PPP4R3B: variants seen among roughly 807,000 people sequenced by gnomAD.
PPP4R3B encodes protein phosphatase 4 regulatory subunit 3B.
In PPP4R3B, 52 loss-of-function variants were observed where a neutral mutation model predicts 95.4. The ratio of observed to expected loss-of-function variants is 0.54; its 90% confidence interval spans 0.44 to 0.69. PPP4R3B has a LOEUF of 0.69. PPP4R3B is among the 30% of genes least tolerant of loss of function. The pLI is 0.00. For missense variants in PPP4R3B, 1,003 were observed against 1,005.9 expected, an observed-to-expected ratio of 1.00 and a Z score of 0.04; for synonymous variants, 407 against 343.9, an observed-to-expected ratio of 1.18 and a Z score of -2.03.
chr2:55,564,263 T>A lies in PPP4R3B; in HGVS notation c.2260+50A>T, dbSNP rs765202362. On this transcript the variant is annotated intron_variant, in intron 15 of 16. Transcript: ENST00000616407. ...ACCTTCACAAAGCAACAAAATAATT[T>A]CTGCACTAAATAAGAGGGTACACTG... 20 of 1,448,696 alleles carry A rather than the reference T, an allele frequency of 1.4e-5. No individual in the cohort carries two copies. The South Asian group carries it at 1.9e-4, about 14-fold the overall frequency. The allele number at this position is 1,448,696 out of a possible 1,614,324, so 89.7% of individuals were successfully genotyped here.
chr2:55,609,936 G>C (rs551756066), intron 2 of PPP4R3B, among the ~76,000 whole-genome samples: 1 of 152,270 alleles, frequency 6.6e-6, no homozygotes, highest in African/African-American at 2.4e-5. Context: ...GCGTGGGAAA[G>C]AGACTTCAAT....
chr2:55,564,581 G>T, intron 14 of PPP4R3B, 84 bp from the exon 15 acceptor site: 1 of 1,205,728 alleles, frequency 8.3e-7, no homozygotes, highest in Non-Finnish European at 1.1e-6. Context: ...GTATAACCAA[G>T]ATGAACTGAA....
intron 15 of PPP4R3B, among the ~76,000 whole-genome samples, chr2:55,560,896 G>C (rs1686521257): frequency 6.6e-6 from 1 of 151,938 alleles, no homozygotes; most frequent in African/African-American, 2.4e-5. Flanking sequence ...ATTTAAAAGG[G>C]AGCAGAGCAT....
At chr2:55,617,051 G>A (rs1695054528) in intron 1 of PPP4R3B, 93 bp downstream of exon 1, 4 of 1,426,760 alleles carry the variant, frequency 2.8e-6, no homozygotes, top group South Asian at 1.4e-5. Flanking sequence ...CTGTCCCGAA[G>A]GAGTAGCAAC....
chr2:55,589,277 T>C, intron 4 of PPP4R3B, among the ~76,000 whole-genome samples: 1 of 152,228 alleles, frequency 6.6e-6, no homozygotes. Context: ...AGGGTCTACT[T>C]ACTCTTAATT....
rs549612556 is a variant in PPP4R3B, at chr2:55,550,174, AG to A, written c.2455-169del. On this transcript the variant is annotated intron_variant, in intron 16 of 16. Transcript: ENST00000616407. Reference sequence around the variant, plus strand: ...TGCTTGAAATTATGAACGTTTGAGTAGTAATTGGTAGCACTTGCAGTAACCC... The same window carrying A: ...TGCTTGAAATTATGAACGTTTGAGTATAATTGGTAGCACTTGCAGTAACCC... 4.9e-3 allele frequency among the ~76,000 whole-genome samples: 747 copies of A among 152,370 alleles called. 5 individuals carry two copies. The highest frequency in any genetic ancestry group is 0.017 in the African/African-American group (722 of 41,586).
chr2:55,615,522 T>C lies in PPP4R3B; in HGVS notation c.143-16A>G. 1.3e-6 allele frequency: 2 copies of C among 1,512,792 alleles called. No homozygotes were observed. The highest frequency in any genetic ancestry group is 1.8e-6 in the Non-Finnish European group (2 of 1,103,364). 93.7% of individuals were successfully genotyped at this position (1,512,792 alleles called of 1,614,324 possible). ...AGTAGTGATCCTGAAAGATAAAAAA[T>C]AATACATCATAAGTCTCAAATGATA... is the stretch of plus-strand genomic sequence containing the variant. On this transcript the variant is annotated splice_polypyrimidine_tract_variant and intron_variant, in intron 1 of 16. Coordinates refer to ENST00000616407, the MANE Select transcript of PPP4R3B (RefSeq NM_001122964.3).
intron 6 of PPP4R3B, among the ~76,000 whole-genome samples, chr2:55,586,410 T>A (rs745761767): frequency 2.2e-4 from 34 of 152,198 alleles, no homozygotes; most frequent in Non-Finnish European, 3.8e-4. Context: ...GGGGTTTTTT[T>A]ATTCACTTGA....
Position 55,552,048 on chromosome 2 carries a change from C to G in PPP4R3B, c.2455-2042G>C, listed in dbSNP as rs183071718. Among the ~76,000 whole-genome samples, 168 of 152,250 alleles carry G rather than the reference C, an allele frequency of 1.1e-3. 2 individuals are homozygous for G. Among genetic ancestry groups the G allele is most frequent in the Middle Eastern group, 3.4e-3 (1 of 294 alleles). ...ACATTTGTATTCCAAATGGTTAACA[C>G]TTAATTGTTTCTGCCCAAGATTAAT... On this transcript the variant is annotated intron_variant, in intron 16 of 16. Coordinates refer to ENST00000616407, the MANE Select transcript of PPP4R3B (RefSeq NM_001122964.3).
At chr2:55,576,270 C>T (rs1688647273) in intron 11 of PPP4R3B, among the ~76,000 whole-genome samples, 1 of 151,950 alleles carries the variant, frequency 6.6e-6, no homozygotes, top group South Asian at 2.1e-4. Flanking sequence ...ATGGTTTGAA[C>T]CCAGAAGGTG....
intron 16 of PPP4R3B, 84 bp downstream of exon 16, chr2:55,558,691 G>A (rs1360560337): frequency 9.7e-7 from 1 of 1,034,590 alleles, no homozygotes; most frequent in Admixed American, 2.5e-5. Flanking sequence ...AAATTGTTTT[G>A]ATTATCCAAA....
chr2:55,606,111 A>C (rs1693353661), intron 2 of PPP4R3B, among the ~76,000 whole-genome samples: 1 of 152,136 alleles, frequency 6.6e-6, no homozygotes, highest in Non-Finnish European at 1.5e-5. Context: ...TACATTCCCA[A>C]GTCATCTTAG....
chr2:55,555,882 A>AT (rs1685792157), intron 16 of PPP4R3B, among the ~76,000 whole-genome samples: 1 of 152,220 alleles, frequency 6.6e-6, no homozygotes, highest in Non-Finnish European at 1.5e-5. Context: ...TGACGTGTTT[A>AT]TTTTAGTATC....
intron 2 of PPP4R3B, among the ~76,000 whole-genome samples, chr2:55,610,869 G>T (rs372193395): frequency 1.4e-4 from 19 of 140,490 alleles, no homozygotes; most frequent in South Asian, 2.2e-4. Context: ...TATGACTCTG[G>T]TTTTTTTTTT....
rs567741803 is a variant in PPP4R3B at position 55,603,511 on chromosome 2, A to T, written c.297+467T>A. Among the ~76,000 whole-genome samples the T allele has an allele frequency of 2.0e-5, 3 of 152,250 alleles. No homozygotes were observed. The South Asian group carries it at 6.2e-4, about 31-fold the overall frequency. The stretch of plus-strand genomic sequence containing the variant: ...AAAACAAAAGGTTTCTTTTAAAAAA[A>T]TTCTAGTTACTTAAGAGTTACCACA... On this transcript the variant is annotated intron_variant, in intron 3 of 16. Transcript: ENST00000616407.
intron 2 of PPP4R3B, among the ~76,000 whole-genome samples, chr2:55,608,154 G>A (rs867527255): frequency 1.8e-4 from 28 of 152,070 alleles, no homozygotes; most frequent in African/African-American, 5.8e-4. Flanking sequence ...ACAGGCGTGT[G>A]CCACCACACC....
Position 55,617,282 on chromosome 2 carries a change from A to C in PPP4R3B, c.4T>G (p.Ser2Ala), listed in dbSNP as rs1283060735. ...ACCTTCACTCGCCGCCGCGTATCCG[A>C]CATGGTGGCTGCTGTCTCCACCGCT... is the stretch of plus-strand genomic sequence containing the variant. MSDTRRRVKVYT... is the reference protein window; with the variant it reads MADTRRRVKVYT... The change falls in exon 1 of 17, where the codon TCG (serine) becomes GCG (alanine). Residue 2 changes from serine (S) to alanine (A), a missense_variant. Physicochemically the swap from Ser to Ala is moderately conservative, Grantham distance 99. Transcript: ENST00000616407. The C allele has an allele frequency of 1.9e-6, 3 of 1,595,932 alleles. No individual in the cohort carries two copies. Among genetic ancestry groups the C allele is most frequent in the African/African-American group, 2.7e-5 (2 of 74,356 alleles).
At chr2:55,557,438 C>T (rs1255066931) in intron 16 of PPP4R3B, among the ~76,000 whole-genome samples, 1 of 152,210 alleles carries the variant, frequency 6.6e-6, no homozygotes, top group East Asian at 1.9e-4. Flanking sequence ...AGCGATCCTC[C>T]TGCCTTGGCC....
chr2:55,601,231 C>T lies in PPP4R3B; in HGVS notation c.298-2192G>A, dbSNP rs535078115. 2.6e-5 allele frequency among the ~76,000 whole-genome samples: 4 copies of T among 151,726 alleles called. No homozygotes were observed. In the East Asian group the frequency reaches 7.7e-4, roughly 29 times the overall value. ...TCTCTTAGCTCAGTTATAACAGATG[C>T]CTGGAAGGGTTAAGCAATAGGTTTG... On this transcript the variant is annotated intron_variant, in intron 3 of 16. Transcript: ENST00000616407.
Sources: allele counts gnomAD v4.1 joint callset (sites outside exome capture counted in the v4.1 genomes callset), GRCh38; gene constraint gnomAD v4.1.1; transcripts MANE v1.5; gene names NCBI Gene and HGNC (gene_info 2026-07-23, HGNC 2026-07-21).